Variants in ZNF438 observed in about 807,000 individuals in gnomAD.
ZNF438 encodes zinc finger protein 438.
In ZNF438, 25 loss-of-function variants were observed where a neutral mutation model predicts 38.0. The ratio of observed to expected loss-of-function variants is 0.66; its 90% CI spans 0.48 to 0.92. ZNF438 has a LOEUF of 0.92. Among genes scored for constraint, ZNF438 ranks in the 40% least tolerant of loss-of-function variants. The pLI is 0.00. For missense variants in ZNF438, 1,007 were observed against 999.6 expected, an observed-to-expected ratio of 1.01 and a Z score of -0.10; for synonymous variants, 372 against 364.1, an observed-to-expected ratio of 1.02 and a Z score of -0.25.
chr10:30,858,203 T>G (rs2035003998), intron 4 of ZNF438, among the ~76,000 whole-genome samples: 1 of 152,238 alleles, frequency 6.6e-6, no homozygotes, highest in Non-Finnish European at 1.5e-5. Flanking sequence ...AGCCAAAAAT[T>G]TTAGGTGTTG....
chr10:30,865,797 C>T (rs1196324774), intron 4 of ZNF438, among the ~76,000 whole-genome samples: 1 of 152,180 alleles, frequency 6.6e-6, no homozygotes, highest in Non-Finnish European at 1.5e-5. Flanking sequence ...ATTTATTATA[C>T]TGCTGGAATG....
chr10:30,981,583 T>C (rs528023034), intron 1 of ZNF438, among the ~76,000 whole-genome samples: 2 of 152,192 alleles, frequency 1.3e-5, no homozygotes, highest in South Asian at 2.1e-4. Context: ...GCCTGGTACA[T>C]AGAAAATGTT....
At chr10:30,989,689 G>C (rs1437468940) in intron 1 of ZNF438, among the ~76,000 whole-genome samples, 1 of 152,182 alleles carries the variant, frequency 6.6e-6, no homozygotes, top group Non-Finnish European at 1.5e-5. Context: ...GTATTGTGGT[G>C]TTGTCATTCT....
At chr10:30,929,167 C>A (rs972737533) in intron 2 of ZNF438, among the ~76,000 whole-genome samples, 2 of 152,172 alleles carry the variant, frequency 1.3e-5, no homozygotes, top group Non-Finnish European at 1.5e-5. Context: ...CCAAGGTGGG[C>A]AGATCACAAG....
At chr10:30,856,132 T>C (rs1004493326) in intron 4 of ZNF438, among the ~76,000 whole-genome samples, 3 of 152,210 alleles carry the variant, frequency 2.0e-5, no homozygotes, top group Admixed American at 2.0e-4. Context: ...ATGGCTCATG[T>C]CTTTTATTTT....
At chr10:30,966,534 G>T (rs2050138565) in intron 1 of ZNF438, among the ~76,000 whole-genome samples, 1 of 151,856 alleles carries the variant, frequency 6.6e-6, no homozygotes, top group African/African-American at 2.4e-5. Flanking sequence ...GCCAGGTGTG[G>T]TGGCACGCAC....
At chr10:30,890,355 T>C (rs373228591) in intron 3 of ZNF438, among the ~76,000 whole-genome samples, 1 of 152,222 alleles carries the variant, frequency 6.6e-6, no homozygotes, top group African/African-American at 2.4e-5. Flanking sequence ...GGTTTTCTAT[T>C]CATTTTCTTC....
intron 1 of ZNF438, among the ~76,000 whole-genome samples, chr10:30,987,736 A>T (rs1484551933): frequency 6.6e-6 from 1 of 151,016 alleles, no homozygotes; most frequent in Non-Finnish European, 1.5e-5. Context: ...CCATGTGAGG[A>T]CATAATGAGA....
chr10:30,941,103 G>A lies in ZNF438; in HGVS notation c.-115+472C>T, dbSNP rs377518747. Among the ~76,000 whole-genome samples, 12 of 123,340 alleles carry A rather than the reference G, an allele frequency of 9.7e-5. No homozygotes were observed. The South Asian group carries it at 1.0e-3, about 11-fold the overall frequency. 80.9% of individuals were successfully genotyped at this position (123,340 alleles called of 152,430 possible). A position where few individuals can be genotyped will look rare whatever the true frequency, so the allele number is the denominator to read the frequency against. ...TTATTTTATTTTGACATGGAGTCTC[G>A]TTCTGTTGCCCAGGCTGGACTGCAG... On this transcript the variant is annotated intron_variant, in intron 2 of 5. Coordinates refer to ENST00000413025, the Ensembl canonical transcript of ZNF438.
At chr10:30,928,891 G>A (rs1341794442) in intron 2 of ZNF438, among the ~76,000 whole-genome samples, 1 of 152,128 alleles carries the variant, frequency 6.6e-6, no homozygotes, top group Non-Finnish European at 1.5e-5. Flanking sequence ...TTAGCACCAT[G>A]CCTCCCTTCC....
chr10:30,911,509 C>A (rs1372293287), intron 2 of ZNF438, among the ~76,000 whole-genome samples: 1 of 152,128 alleles, frequency 6.6e-6, no homozygotes, highest in Non-Finnish European at 1.5e-5. Flanking sequence ...TTAATACTGA[C>A]CTCACTTCTC....
intron 1 of ZNF438, among the ~76,000 whole-genome samples, chr10:30,970,287 TAA>T (rs1242115984): frequency 1.3e-5 from 2 of 152,164 alleles, no homozygotes; most frequent in Non-Finnish European, 2.9e-5. Flanking sequence ...GCAAGTAGGT[TAA>T]GTCTTTGGTA....
At chr10:30,979,086 T>C (rs2051787744) in intron 1 of ZNF438, among the ~76,000 whole-genome samples, 1 of 152,228 alleles carries the variant, frequency 6.6e-6, no homozygotes, top group South Asian at 2.1e-4. Context: ...CACTATGGTT[T>C]GCTGAATAGT....
intron 2 of ZNF438, among the ~76,000 whole-genome samples, chr10:30,928,758 A>T (rs1178678220): frequency 6.6e-6 from 1 of 151,934 alleles, no homozygotes; most frequent in Non-Finnish European, 1.5e-5. Context: ...TGTAGTTCCA[A>T]TTTTTTCAGA....
intron 1 of ZNF438, among the ~76,000 whole-genome samples, chr10:30,999,881 T>C (rs1027419096): frequency 6.6e-6 from 1 of 152,216 alleles, no homozygotes; most frequent in African/African-American, 2.4e-5. Context: ...TCCAATTTCT[T>C]TCCCATTGCT....
intron 3 of ZNF438, among the ~76,000 whole-genome samples, chr10:30,902,229 G>T (rs2042094792): frequency 6.6e-6 from 1 of 152,134 alleles, no homozygotes; most frequent in Non-Finnish European, 1.5e-5. Flanking sequence ...GAGCTGATTG[G>T]TCTGTTTCAC....
At chr10:30,847,075 G>A (rs1425984653) in intron 5 of ZNF438, among the ~76,000 whole-genome samples, 1 of 152,314 alleles carries the variant, frequency 6.6e-6, no homozygotes, top group African/African-American at 2.4e-5. Context: ...CCCTCAGCAT[G>A]AACAGCCTGG....
intron 4 of ZNF438, among the ~76,000 whole-genome samples, chr10:30,855,840 A>C (rs1265211354): frequency 1.3e-5 from 2 of 152,228 alleles, no homozygotes; most frequent in Admixed American, 1.3e-4. Flanking sequence ...ATATGTGCAG[A>C]ATATCTCTGA....
chr10:30,901,438 C>A (rs2041971245), intron 3 of ZNF438, among the ~76,000 whole-genome samples: 1 of 151,528 alleles, frequency 6.6e-6, no homozygotes, highest in South Asian at 2.1e-4. Flanking sequence ...TTCTGATGTT[C>A]CGCTGAGTCG....
Sources: gnomAD v4.1 joint callset for allele counts (sites outside exome capture counted in the v4.1 genomes callset) on GRCh38, gnomAD v4.1.1 for gene constraint, MANE v1.5 for transcripts, NCBI Gene and HGNC (gene_info 2026-07-23, HGNC 2026-07-21) for gene names.